SLC26A11: variants seen among roughly 807,000 people sequenced by gnomAD.
SLC26A11 encodes sodium-independent sulfate anion transporter.
In SLC26A11, 58 loss-of-function variants were observed where a neutral mutation model predicts 62.2. The ratio of observed to expected loss-of-function variants is 0.93; its 90% CI spans 0.76 to 1.16. The LOEUF (loss-of-function observed/expected upper bound fraction) is 1.16. Ranked by LOEUF, SLC26A11 falls within the 50% of genes most tolerant of loss-of-function variation. SLC26A11 has a pLI of 0.00. For missense variants in SLC26A11, 790 were observed against 794.3 expected (o/e 0.99, Z 0.06); for synonymous variants, 411 against 368.9 (o/e 1.11, Z -1.31).
chr17:80,250,742 G>A (rs2043134378), intron 16 of SLC26A11, among the ~76,000 whole-genome samples: 2 of 152,058 alleles, frequency 1.3e-5, no homozygotes, highest in Admixed American at 1.3e-4. Context: ...CAGGAGAATC[G>A]CTTGAACCCG....
intron 8 of SLC26A11, 69 bp downstream of exon 8, chr17:80,237,172 G>T: frequency 6.5e-7 from 1 of 1,539,590 alleles, no homozygotes; most frequent in South Asian, 1.2e-5. Flanking sequence ...CTCCTACCCT[G>T]ATGTATCTGC....
chr17:80,225,868 C>CG lies in SLC26A11; in HGVS notation c.546dup (p.Phe183ValfsTer19). The CG allele has an allele frequency of 6.2e-7, 1 of 1,613,996 alleles. No homozygotes were observed. On this transcript the variant is annotated frameshift_variant, in exon 6 of 18. Transcript: ENST00000361193. LOFTEE classifies it high-confidence loss of function. ...CTGGGACTACAGAACATCCCCAGGC[C>CG]GTTCTTCCTGCAGGTGTACCACACC...
At position 80,246,697 on chromosome 17, in the gene SLC26A11, C is replaced by T. The variant is rs533200941; in HGVS notation, c.1294+48C>T. On this transcript the variant is annotated intron_variant, in intron 13 of 17. Coordinates refer to ENST00000361193, the MANE Select transcript of SLC26A11 (RefSeq NM_001166347.2). The surrounding 1 kb of genome is among the most constrained non-coding windows in gnomAD (Gnocchi z 4.4). ...AGAGCGCTGTGATGCGGTGTCTGAACGCGGAGGGTGTCATTTATGCTACCC... is the reference window on the plus strand; with the variant it reads ...AGAGCGCTGTGATGCGGTGTCTGAATGCGGAGGGTGTCATTTATGCTACCC... The T allele has an allele frequency of 2.1e-5, 33 of 1,585,722 alleles. No individual in the cohort carries two copies. The highest frequency in any genetic ancestry group is 3.6e-5 in the Admixed American group (2 of 55,910).
At chr17:80,247,424 C>T (rs2043035553) in intron 13 of SLC26A11, among the ~76,000 whole-genome samples, 1 of 152,168 alleles carries the variant, frequency 6.6e-6, no homozygotes, top group African/African-American at 2.4e-5. Context: ...GGCGGCCGGG[C>T]AGAGGCGCCC....
Position 80,237,183 on chromosome 17 carries a change from T to A in SLC26A11, c.912+80T>A, listed in dbSNP as rs2042719491. ...CTGGCTCCTACCCTGATGTATCTGC[T>A]GGGTGCCAGGGGGTCTGAGGTCAGT... On this transcript the variant is annotated intron_variant, in intron 8 of 17. Transcript: ENST00000361193. The A allele has an allele frequency of 2.0e-6, 3 of 1,503,890 alleles. No individual in the cohort carries two copies. The South Asian group carries it at 3.7e-5, about 19-fold the overall frequency. The allele number at this position is 1,503,890 out of a possible 1,614,324, so 93.2% of individuals were successfully genotyped here. A position where few individuals can be genotyped will look rare whatever the true frequency, so the allele number is the denominator to read the frequency against.
In SLC26A11 at chr17:80,220,493, G is replaced by A; in HGVS notation, c.-217G>A. The A allele has an allele frequency of 1.9e-6, 1 of 528,344 alleles. No homozygotes were observed. Among genetic ancestry groups the A allele is most frequent in the Non-Finnish European group, 3.1e-6 (1 of 322,794 alleles). 32.7% of individuals were successfully genotyped at this position (528,344 alleles called of 1,614,324 possible). A position where few individuals can be genotyped will look rare whatever the true frequency, so the allele number is the denominator to read the frequency against. On this transcript the variant is annotated 5_prime_UTR_variant, in exon 1 of 18. It adds an upstream start codon to the 5' untranslated region. Coordinates refer to ENST00000361193, the MANE Select transcript of SLC26A11 (RefSeq NM_001166347.2). ...AGGAGACCCCAAGCTGCATCGCCGA[G>A]TGGGTGAGTCCGTGGCCCGCGAGGG... is the stretch of plus-strand genomic sequence containing the variant.
chr17:80,244,569 T>C (rs2042946606), intron 10 of SLC26A11, among the ~76,000 whole-genome samples: 1 of 152,150 alleles, frequency 6.6e-6, no homozygotes, highest in African/African-American at 2.4e-5. Flanking sequence ...TTGCCAGGCA[T>C]GGTGGCTCAC....
At position 80,251,335 on chromosome 17, in the gene SLC26A11, G is replaced by A. The variant is rs772243435; in HGVS notation, c.1663G>A (p.Val555Ile). Residue 555 changes from valine (V) to isoleucine (I), a missense_variant, in exon 17 of 18, where the codon GTT becomes ATT. Physicochemically the swap from Val to Ile is conservative, Grantham distance 29. Coordinates refer to ENST00000361193, the MANE Select transcript of SLC26A11 (RefSeq NM_001166347.2). ...AAGTCTGTCTGTCTCTCAGGTCCCC[G>A]TTCTCCGTGTCCTGCTGTCCGCTGA... is the stretch of plus-strand genomic sequence containing the variant. Reference protein sequence around the residue: ...ALAFVGLQVPVLRVLLSADLK... With the variant: ...ALAFVGLQVPILRVLLSADLK... 3.1e-6 allele frequency: 5 copies of A among 1,613,970 alleles called. No individual in the cohort carries two copies. Among genetic ancestry groups the A allele is most frequent in the Middle Eastern group, 1.6e-4 (1 of 6,062 alleles).
Position 80,222,244 on chromosome 17 carries a change from C to T in SLC26A11, c.235-411C>T, listed in dbSNP as rs893854437. ...ACAAAAAATTAGCCAGGTGTGGTGG[C>T]GGGTGCCTGTAGTCCCAGCTACCTG... is the stretch of plus-strand genomic sequence containing the variant. On this transcript the variant is annotated intron_variant, in intron 3 of 17. Coordinates refer to ENST00000361193, the MANE Select transcript of SLC26A11 (RefSeq NM_001166347.2). The surrounding 1 kb of genome is among the most constrained non-coding windows in gnomAD (Gnocchi z 4.7). 9 of 190,844 alleles carry T rather than the reference C, an allele frequency of 4.7e-5. No individual in the cohort carries two copies. Among genetic ancestry groups the T allele is most frequent in the East Asian group, 4.4e-4 (3 of 6,772 alleles). The allele number at this position is 190,844 out of a possible 1,614,324, so 11.8% of individuals were successfully genotyped here.
In SLC26A11 at chr17:80,253,408, T is replaced by A. The variant is rs983535251; in HGVS notation, c.*692T>A. 2.6e-5 allele frequency: 4 copies of A among 152,168 alleles called. No individual in the cohort carries two copies. Among genetic ancestry groups the A allele is most frequent in the African/African-American group, 9.7e-5 (4 of 41,432 alleles). The allele number at this position is 152,168 out of a possible 1,614,324, so 9.4% of individuals were successfully genotyped here. On this transcript the variant is annotated 3_prime_UTR_variant, in exon 18 of 18. Transcript: ENST00000361193. ...TGTTTACAGTTCTACATAAATGGGATCATTTTATACATGGTGCTCTGGAAC... is the reference window on the plus strand; with the variant it reads ...TGTTTACAGTTCTACATAAATGGGAACATTTTATACATGGTGCTCTGGAAC...
At chr17:80,233,485 T>G (rs939046603) in intron 7 of SLC26A11, among the ~76,000 whole-genome samples, 5 of 152,092 alleles carry the variant, frequency 3.3e-5, no homozygotes, top group Admixed American at 2.6e-4. Flanking sequence ...TTAATTCCTT[T>G]GTACAAATCC....
At chr17:80,242,288 T>C (rs781778271) in intron 10 of SLC26A11, among the ~76,000 whole-genome samples, 6 of 152,146 alleles carry the variant, frequency 3.9e-5, no homozygotes, top group Non-Finnish European at 7.3e-5. Flanking sequence ...TTCCAGAATA[T>C]TAACAAGGAC....
rs538372292 is a variant in SLC26A11, at chr17:80,228,240, C to T, written c.736+280C>T. Among the ~76,000 whole-genome samples, 2 of 152,288 alleles carry T rather than the reference C, an allele frequency of 1.3e-5. No homozygotes were observed. The highest frequency in any genetic ancestry group is 1.3e-4 in the Admixed American group (2 of 15,288). ...CTCCGCCTCCCAGGTTCATGTGATT[C>T]TCCTGCCTCAGCCTCCTGAGTAGCT... On this transcript the variant is annotated intron_variant, in intron 7 of 17. Coordinates refer to ENST00000361193, the MANE Select transcript of SLC26A11 (RefSeq NM_001166347.2). The surrounding 1 kb of genome is among the most constrained non-coding windows in gnomAD (Gnocchi z 4.1).
intron 14 of SLC26A11, 144 bp downstream of exon 14, chr17:80,248,401 T>A: frequency 7.5e-7 from 1 of 1,336,144 alleles, no homozygotes; most frequent in Non-Finnish European, 1.0e-6. Flanking sequence ...GTCACCTTGC[T>A]ATAAACCATG....
chr17:80,231,384 G>A (rs986014893), intron 7 of SLC26A11, among the ~76,000 whole-genome samples: 13 of 151,100 alleles, frequency 8.6e-5, no homozygotes, highest in African/African-American at 2.7e-4. Context: ...GGCTGGTCTC[G>A]AACTCCTGAA....
rs370173673 is a variant in SLC26A11 at position 80,246,303 on chromosome 17, C to T, written c.1153+94C>T. 36 of 1,494,982 alleles carry T rather than the reference C, an allele frequency of 2.4e-5. 1 individual carries two copies. The African/African-American group carries it at 3.5e-4, about 14-fold the overall frequency. The allele number at this position is 1,494,982 out of a possible 1,614,324, so 92.6% of individuals were successfully genotyped here. ...AGAGACGTCCCTTTGGCTCATGGGCCGTGCGCCCCGGGACTGCACAGGGAC... is the reference window on the plus strand; with the variant it reads ...AGAGACGTCCCTTTGGCTCATGGGCTGTGCGCCCCGGGACTGCACAGGGAC... On this transcript the variant is annotated intron_variant, in intron 12 of 17. Transcript: ENST00000361193. This position sits in a 1 kb window ranked among gnomAD's most constrained non-coding sequence, Gnocchi z 4.4.
At chr17:80,224,586 C>T (rs1403772565) in intron 5 of SLC26A11, among the ~76,000 whole-genome samples, 1 of 152,134 alleles carries the variant, frequency 6.6e-6, no homozygotes, top group Non-Finnish European at 1.5e-5. Context: ...ATCATTATTT[C>T]CATTTGAGAG....
intron 13 of SLC26A11, among the ~76,000 whole-genome samples, chr17:80,247,283 T>G (rs1209023745): frequency 6.6e-6 from 1 of 152,026 alleles, no homozygotes; most frequent in African/African-American, 2.4e-5. Flanking sequence ...TCTCAATCTT[T>G]TCCCCACCTT....
At chr17:80,234,481 TG>T (rs199581202) in intron 7 of SLC26A11, among the ~76,000 whole-genome samples, 3 of 151,908 alleles carry the variant, frequency 2.0e-5, no homozygotes, top group Non-Finnish European at 2.9e-5. Flanking sequence ...TTTGTTTGTT[TG>T]TTTTTTGTTT....
Sources: gnomAD v4.1 joint callset for allele counts (sites outside exome capture counted in the v4.1 genomes callset) on GRCh38, gnomAD v4.1.1 for gene constraint, Gnocchi (gnomAD v3.1) non-coding constraint, MANE v1.5 for transcripts, NCBI Gene and HGNC (gene_info 2026-07-23, HGNC 2026-07-21) for gene names.